The following SNTG1 variants were observed in gnomAD, a reference collection of about 807,000 sequenced individuals.
SNTG1 encodes gamma-1-syntrophin.
Under a neutral mutation model 74.7 loss-of-function variants are expected in SNTG1, and 39 were observed. That is an observed-to-expected ratio of 0.52 (90% CI 0.40 to 0.68). The LOEUF is 0.68. Among genes scored for constraint, SNTG1 ranks in the 30% least tolerant of loss-of-function variants. The pLI is 0.00. For synonymous variants in SNTG1, 254 were observed against 217.1 expected (o/e 1.17, Z -1.49); for missense variants, 685 against 609.5 (o/e 1.12, Z -1.30).
chr8:50,035,968 A>C (rs1185082816), intron 1 of SNTG1, among the ~76,000 whole-genome samples: 8 of 152,154 alleles, frequency 5.3e-5, no homozygotes, highest in Non-Finnish European at 1.2e-4. Context: ...CATGTGAGAA[A>C]AAAAGCAAGG....
At chr8:50,276,858 G>A (rs1469562649) in intron 2 of SNTG1, among the ~76,000 whole-genome samples, 2 of 151,726 alleles carry the variant, frequency 1.3e-5, no homozygotes, top group East Asian at 3.9e-4. Flanking sequence ...TTTTTTTTGA[G>A]ATGGAGTCTT....
chr8:50,429,105 A>G (rs992906953), intron 4 of SNTG1, among the ~76,000 whole-genome samples: 4 of 152,108 alleles, frequency 2.6e-5, no homozygotes, highest in Non-Finnish European at 4.4e-5. Context: ...CCCTATAAAA[A>G]AATCCCAGCT....
intron 11 of SNTG1, among the ~76,000 whole-genome samples, chr8:50,549,267 C>G (rs2094409299): frequency 6.6e-6 from 1 of 152,166 alleles, no homozygotes; most frequent in African/African-American, 2.4e-5. Context: ...AGGGAAGAAA[C>G]AGCTCAGGCC....
intron 2 of SNTG1, among the ~76,000 whole-genome samples, chr8:50,175,495 C>T (rs2082964475): frequency 6.6e-6 from 1 of 152,184 alleles, no homozygotes; most frequent in Non-Finnish European, 1.5e-5. Flanking sequence ...GCTGAAACTT[C>T]CAGAATTATT....
At chr8:50,511,302 C>A (rs905170293) in intron 9 of SNTG1, among the ~76,000 whole-genome samples, 5 of 152,124 alleles carry the variant, frequency 3.3e-5, no homozygotes, top group African/African-American at 1.2e-4. Context: ...AATTTCTGTT[C>A]TTTTACATTT....
chr8:50,433,608 T>C (rs1264964768), intron 4 of SNTG1, among the ~76,000 whole-genome samples: 1 of 152,182 alleles, frequency 6.6e-6, no homozygotes, highest in Non-Finnish European at 1.5e-5. Context: ...TTCACTCTTT[T>C]ACATTTTGAT....
chr8:49,910,983 T>G (rs925822772), upstream of SNTG1: 1 of 152,296 alleles, frequency 6.6e-6, no homozygotes. Flanking sequence ...AGGAGCTGCG[T>G]TCGCCGGATC....
intron 2 of SNTG1, among the ~76,000 whole-genome samples, chr8:50,278,610 C>A (rs2088251374): frequency 1.3e-5 from 2 of 151,910 alleles, no homozygotes; most frequent in Non-Finnish European, 2.9e-5. Flanking sequence ...AGTATTCTCT[C>A]AATCATATGT....
At chr8:50,692,075 C>G (rs1446962048) in intron 15 of SNTG1, among the ~76,000 whole-genome samples, 2 of 152,204 alleles carry the variant, frequency 1.3e-5, no homozygotes, top group African/African-American at 2.4e-5. Context: ...TCACGTAGCT[C>G]TCATGCCTTG....
intron 1 of SNTG1, among the ~76,000 whole-genome samples, chr8:49,930,247 C>T (rs1673475595): frequency 9.2e-6 from 1 of 109,284 alleles, no homozygotes; most frequent in Non-Finnish European, 1.8e-5. Context: ...AAATAGAAAA[C>T]CACATCCAGG....
intron 1 of SNTG1, among the ~76,000 whole-genome samples, chr8:50,066,908 A>G (rs952749622): frequency 3.3e-5 from 5 of 152,240 alleles, no homozygotes; most frequent in Admixed American, 3.3e-4. Flanking sequence ...AGTAAAGAAA[A>G]TATTGTAGTC....
intron 1 of SNTG1, among the ~76,000 whole-genome samples, chr8:50,075,270 G>C (rs921138962): frequency 2.6e-5 from 4 of 152,176 alleles, no homozygotes; most frequent in Non-Finnish European, 4.4e-5. Flanking sequence ...GGGACTGACT[G>C]ACTGGCGGCC....
intron 8 of SNTG1, among the ~76,000 whole-genome samples, chr8:50,499,011 A>T (rs960930319): frequency 1.1e-4 from 16 of 151,522 alleles, no homozygotes; most frequent in Non-Finnish European, 1.8e-4. Context: ...TGTCTTGATG[A>T]TTATAGTTTC....
intron 1 of SNTG1, among the ~76,000 whole-genome samples, chr8:49,942,795 C>A (rs539855652): frequency 1.3e-5 from 2 of 152,262 alleles, no homozygotes; most frequent in East Asian, 3.9e-4. Flanking sequence ...ATCCTGTCAA[C>A]ACAACGTATC....
intron 15 of SNTG1, among the ~76,000 whole-genome samples, chr8:50,679,076 A>G (rs1459763790): frequency 6.6e-6 from 1 of 152,168 alleles, no homozygotes; most frequent in Admixed American, 6.6e-5. Context: ...TAGTATTATT[A>G]CAATATAATC....
intron 2 of SNTG1, among the ~76,000 whole-genome samples, chr8:50,188,363 G>C (rs556374925): frequency 6.6e-6 from 1 of 152,058 alleles, no homozygotes; most frequent in African/African-American, 2.4e-5. Flanking sequence ...ACTCATCCAC[G>C]TTCTGCCCAC....
chr8:50,591,744 A>T (rs1295461345), intron 13 of SNTG1, among the ~76,000 whole-genome samples: 1 of 152,230 alleles, frequency 6.6e-6, no homozygotes, highest in Admixed American at 6.5e-5. Flanking sequence ...GTGTAACTAG[A>T]ACACTGTAGA....
At chr8:50,734,820 T>C (rs1470226209) in intron 17 of SNTG1, among the ~76,000 whole-genome samples, 13 of 93,258 alleles carry the variant, frequency 1.4e-4, no homozygotes, top group African/African-American at 6.1e-4. Context: ...TATCTATATA[T>C]ATGGACATAT....
At chr8:50,358,192 C>G (rs2091870503) in intron 2 of SNTG1, among the ~76,000 whole-genome samples, 4 of 152,262 alleles carry the variant, frequency 2.6e-5, no homozygotes, top group South Asian at 2.1e-4. Flanking sequence ...TCAGAAGCAC[C>G]TTGAACTTTA....
Sources: gnomAD v4.1 joint callset for allele counts (sites outside exome capture counted in the v4.1 genomes callset) on GRCh38, gnomAD v4.1.1 for gene constraint, MANE v1.5 for transcripts, NCBI Gene and HGNC (gene_info 2026-07-23, HGNC 2026-07-21) for gene names.